C10orf90: variants seen among roughly 807,000 people sequenced by gnomAD.
C10orf90 encodes the protein chromosome 10 open reading frame 90.
In C10orf90, 56 loss-of-function variants were observed where a neutral mutation model predicts 62.5. The ratio of observed to expected loss-of-function variants is 0.90; its 90% CI spans 0.72 to 1.12. The LOEUF (loss-of-function observed/expected upper bound fraction) is 1.12, where lower values mean the gene tolerates loss of function less well. Among genes scored for constraint, C10orf90 ranks in the 50% most tolerant of loss-of-function variants. C10orf90 has a pLI of 0.00. For missense variants in C10orf90, 970 were observed against 880.4 expected (o/e 1.10, Z -1.29); for synonymous variants, 386 against 340.4 (o/e 1.13, Z -1.47).
chr10:126,526,398 C>T (rs1863946020), intron 2 of C10orf90, among the ~76,000 whole-genome samples: 1 of 152,078 alleles, frequency 6.6e-6, no homozygotes, highest in Non-Finnish European at 1.5e-5. Context: ...GCACCCACCA[C>T]CACACCCGGC....
At chr10:126,468,789 C>A (rs1340371608) in intron 4 of C10orf90, among the ~76,000 whole-genome samples, 1 of 152,170 alleles carries the variant, frequency 6.6e-6, no homozygotes, top group Non-Finnish European at 1.5e-5. Context: ...CGAGAAGAGG[C>A]ATGCATCTGG....
chr10:126,646,706 G>C (rs1846179865), intron 1 of C10orf90, 69 bp from the exon 2 acceptor site: 2 of 337,288 alleles, frequency 5.9e-6, no homozygotes, highest in Non-Finnish European at 1.2e-5. Flanking sequence ...CTTTAATAAT[G>C]TACATTATTT....
intron 2 of C10orf90, among the ~76,000 whole-genome samples, chr10:126,530,146 T>G (rs574567122): frequency 6.6e-6 from 1 of 152,176 alleles, no homozygotes; most frequent in African/African-American, 2.4e-5. Context: ...GACAAGAGGA[T>G]TTATAAATAA....
At chr10:126,668,786 C>G (rs987850928) in intron 1 of C10orf90, among the ~76,000 whole-genome samples, 1 of 151,924 alleles carries the variant, frequency 6.6e-6, no homozygotes, top group South Asian at 2.1e-4. Flanking sequence ...ATTAGTGGCT[C>G]GGTTGTTGGC....
At chr10:126,459,314 A>G in intron 6 of C10orf90, 97 bp from the exon 7 acceptor site, 3 of 1,398,582 alleles carry the variant, frequency 2.1e-6, no homozygotes, top group Admixed American at 3.8e-5. Flanking sequence ...GGCAAGCACA[A>G]CACTCAGAGA....
chr10:126,550,900 C>G (rs1032273317), intron 2 of C10orf90, among the ~76,000 whole-genome samples: 1 of 152,222 alleles, frequency 6.6e-6, no homozygotes, highest in African/African-American at 2.4e-5. Flanking sequence ...AATGCCACTG[C>G]CTTTCTCTAA....
chr10:126,476,609 C>G (rs1320297354), intron 4 of C10orf90, among the ~76,000 whole-genome samples: 3 of 152,194 alleles, frequency 2.0e-5, no homozygotes, highest in Non-Finnish European at 4.4e-5. Context: ...CCCCAAATGA[C>G]GACCATTTCT....
intron 4 of C10orf90, 113 bp from the exon 5 acceptor site, chr10:126,465,099 CT>C: frequency 8.9e-7 from 1 of 1,121,822 alleles, no homozygotes; most frequent in Non-Finnish European, 1.3e-6. Flanking sequence ...GAGTACAGCA[CT>C]GCAAGTTCAG....
intron 1 of C10orf90, among the ~76,000 whole-genome samples, 194 bp downstream of exon 1, chr10:126,670,047 C>T (rs1480749474): frequency 6.6e-6 from 1 of 152,132 alleles, no homozygotes; most frequent in Non-Finnish European, 1.5e-5. Context: ...TATACTTTCC[C>T]CCTCCCCCAT....
intron 1 of C10orf90, 91 bp downstream of exon 1, chr10:126,670,150 A>T (rs1308694300): frequency 2.6e-6 from 1 of 390,194 alleles, no homozygotes; most frequent in Non-Finnish European, 5.1e-6. Context: ...TTATTAGACC[A>T]GATAAAACAC....
At chr10:126,615,316 C>T (rs909867299) in intron 2 of C10orf90, among the ~76,000 whole-genome samples, 1 of 152,188 alleles carries the variant, frequency 6.6e-6, no homozygotes, top group Non-Finnish European at 1.5e-5. Flanking sequence ...GCCACTTCTA[C>T]AAAGACCTAC....
chr10:126,565,457 C>G (rs1468028297), intron 2 of C10orf90, among the ~76,000 whole-genome samples: 2 of 86,554 alleles, frequency 2.3e-5, no homozygotes, highest in Non-Finnish European at 4.7e-5. Flanking sequence ...CACACACACA[C>G]ACAAACTTGT....
At chr10:126,431,948 T>C (rs1433821301) in intron 7 of C10orf90, among the ~76,000 whole-genome samples, 1 of 152,172 alleles carries the variant, frequency 6.6e-6, no homozygotes, top group Non-Finnish European at 1.5e-5. Flanking sequence ...CACAGAACTT[T>C]TGATTCTGGG....
At chr10:126,479,197 G>A (rs1413667936) in intron 4 of C10orf90, among the ~76,000 whole-genome samples, 1 of 152,210 alleles carries the variant, frequency 6.6e-6, no homozygotes, top group Non-Finnish European at 1.5e-5. Flanking sequence ...AAGCACTGAG[G>A]GAAGGGGCTG....
Position 126,552,948 on chromosome 10 carries a change from C to G in C10orf90, c.314-39009G>C, listed in dbSNP as rs1461544605. Among the ~76,000 whole-genome samples the G allele has an allele frequency of 4.6e-5, 7 of 152,304 alleles. No individual in the cohort carries two copies. In the East Asian group the frequency reaches 1.4e-3, roughly 29 times the overall value. ...ATATTTCCAACAAATCGTTTTGGGTCTATTAGACATCGGTTGGGGGAAAAA... is the reference window on the plus strand; with the variant it reads ...ATATTTCCAACAAATCGTTTTGGGTGTATTAGACATCGGTTGGGGGAAAAA... On this transcript the variant is annotated intron_variant, in intron 2 of 9. Transcript: ENST00000488181.
At chr10:126,648,715 T>C (rs1846219794) in intron 1 of C10orf90, among the ~76,000 whole-genome samples, 1 of 152,188 alleles carries the variant, frequency 6.6e-6, no homozygotes, top group Non-Finnish European at 1.5e-5. Context: ...ACCAATCAGG[T>C]AGATCTGGAG....
At chr10:126,478,579 A>T (rs1246095376) in intron 4 of C10orf90, among the ~76,000 whole-genome samples, 1 of 152,186 alleles carries the variant, frequency 6.6e-6, no homozygotes. Flanking sequence ...TAAATCTTTG[A>T]CCCACCTCTC....
chr10:126,660,922 C>A (rs1158884897), intron 1 of C10orf90, among the ~76,000 whole-genome samples: 1 of 152,202 alleles, frequency 6.6e-6, no homozygotes, highest in South Asian at 2.1e-4. Flanking sequence ...CTACTGTTAA[C>A]CCTGTGGACC....
chr10:126,589,270 T>C (rs563990575), intron 2 of C10orf90, among the ~76,000 whole-genome samples: 63 of 152,252 alleles, frequency 4.1e-4, no homozygotes, highest in African/African-American at 1.4e-3. Flanking sequence ...CAGAACCAAG[T>C]TGGAAAACGT....
Sources: allele counts gnomAD v4.1 joint callset (sites outside exome capture counted in the v4.1 genomes callset), GRCh38; gene constraint gnomAD v4.1.1; transcripts MANE v1.5; gene names NCBI Gene and HGNC (gene_info 2026-07-23, HGNC 2026-07-21).